The following ARL15 variants were observed in gnomAD, a reference collection of about 807,000 sequenced individuals.
ARL15 encodes ADP-ribosylation factor-like protein 15.
Under a neutral mutation model 25.2 loss-of-function variants are expected in ARL15, and 19 were observed. The ratio of observed to expected loss-of-function variants is 0.75; its 90% CI spans 0.53 to 1.10. The LOEUF is 1.10. ARL15 is among the 50% of genes least tolerant of loss of function. The probability of loss-of-function intolerance (pLI) is 0.00; values close to 1 mark genes in which losing one functional copy is unlikely to be tolerated. For missense variants in ARL15, 220 were observed against 246.0 expected, an observed-to-expected ratio of 0.89 and a Z score of 0.71; for synonymous variants, 94 against 86.8, an observed-to-expected ratio of 1.08 and a Z score of -0.46.
intron 1 of ARL15, among the ~76,000 whole-genome samples, chr5:54,245,984 A>T (rs1023591962): frequency 1.3e-5 from 2 of 152,174 alleles, no homozygotes; most frequent in Non-Finnish European, 2.9e-5. Flanking sequence ...TAGTTCAAAG[A>T]GTTATCAACA....
At position 54,005,861 on chromosome 5, in the gene ARL15, C is replaced by CA. The variant is rs139395100; in HGVS notation, c.462+107340dup. ...TGGGTGACAGAGCGAGACTCCATCT[C>CA]AAAAAAAAAAAACCAAAAAAACCCA... On this transcript the variant is annotated intron_variant, in intron 4 of 4. Coordinates refer to ENST00000504924, the MANE Select transcript of ARL15 (RefSeq NM_019087.3). Among the ~76,000 whole-genome samples the CA allele has an allele frequency of 8.2e-3, 899 of 109,210 alleles. 3 individuals are homozygous for CA. The highest frequency in any genetic ancestry group is 0.016 in the Admixed American group (171 of 10,684). 71.6% of individuals were successfully genotyped at this position (109,210 alleles called of 152,430 possible). A position where few individuals can be genotyped will look rare whatever the true frequency, so the allele number is the denominator to read the frequency against.
intron 1 of ARL15, among the ~76,000 whole-genome samples, chr5:54,183,712 A>C (rs1165382147): frequency 6.7e-6 from 1 of 149,590 alleles, no homozygotes; most frequent in Non-Finnish European, 1.5e-5. Flanking sequence ...GGGATCTAGA[A>C]CTAGAAATAC....
chr5:53,941,188 A>G (rs1436780436), intron 4 of ARL15, among the ~76,000 whole-genome samples: 1 of 152,046 alleles, frequency 6.6e-6, no homozygotes, highest in Admixed American at 6.5e-5. Context: ...CTTCTGTATA[A>G]GCTTTTTTAA....
At chr5:54,081,531 T>C (rs1751795350) in intron 4 of ARL15, among the ~76,000 whole-genome samples, 1 of 152,140 alleles carries the variant, frequency 6.6e-6, no homozygotes, top group South Asian at 2.1e-4. Context: ...AGAGACCAGG[T>C]GCAGTTAACT....
chr5:54,200,973 C>G (rs1294653791), intron 1 of ARL15, among the ~76,000 whole-genome samples: 1 of 151,890 alleles, frequency 6.6e-6, no homozygotes, highest in African/African-American at 2.4e-5. Context: ...TTTTGCAGCT[C>G]AGTTGGATGA....
At chr5:53,974,364 C>G (rs959684287) in intron 4 of ARL15, among the ~76,000 whole-genome samples, 7 of 152,104 alleles carry the variant, frequency 4.6e-5, no homozygotes, top group African/African-American at 1.7e-4. Context: ...ATTTGTTTTC[C>G]TCCTCAATAA....
chr5:53,954,858 G>A (rs750662319), intron 4 of ARL15, among the ~76,000 whole-genome samples: 5 of 151,806 alleles, frequency 3.3e-5, no homozygotes, highest in Non-Finnish European at 7.4e-5. Flanking sequence ...AAAGAGCATC[G>A]ATCTAATTTC....
At chr5:54,177,262 G>C (rs1385441647) in intron 1 of ARL15, among the ~76,000 whole-genome samples, 1 of 152,198 alleles carries the variant, frequency 6.6e-6, no homozygotes, top group Non-Finnish European at 1.5e-5. Flanking sequence ...GGTGTGCCTA[G>C]GTCTTGAGAG....
At chr5:54,137,233 A>T (rs1753631760) in intron 3 of ARL15, among the ~76,000 whole-genome samples, 1 of 152,152 alleles carries the variant, frequency 6.6e-6, no homozygotes, top group South Asian at 2.1e-4. Flanking sequence ...TATGGTCAGC[A>T]CATGGGCCAA....
intron 1 of ARL15, among the ~76,000 whole-genome samples, chr5:54,186,228 G>A (rs1338555372): frequency 6.6e-6 from 1 of 152,160 alleles, no homozygotes. Flanking sequence ...AAAGACAAAT[G>A]TTTACTATGG....
At position 54,215,832 on chromosome 5, in the gene ARL15, A is replaced by G. The variant is rs532565440; in HGVS notation, c.49-43904T>C. Among the ~76,000 whole-genome samples, 7 of 152,246 alleles carry G rather than the reference A, an allele frequency of 4.6e-5. 1 individual carries two copies. Among genetic ancestry groups the G allele is most frequent in the Admixed American group, 3.9e-4 (6 of 15,276 alleles). ...GGGGAGTGGATTCATGACAAGAAAT[A>G]AAAGAATGGATCCAAGGTGTAAATC... On this transcript the variant is annotated intron_variant, in intron 1 of 4. Coordinates refer to ENST00000504924, the MANE Select transcript of ARL15 (RefSeq NM_019087.3).
chr5:53,914,722 A>G (rs1422528573), intron 4 of ARL15, among the ~76,000 whole-genome samples: 1 of 152,212 alleles, frequency 6.6e-6, no homozygotes, highest in Non-Finnish European at 1.5e-5. Context: ...ATGGAACTGA[A>G]TGAGCTGCTA....
chr5:53,978,874 G>A (rs1748031820), intron 4 of ARL15, among the ~76,000 whole-genome samples: 1 of 152,106 alleles, frequency 6.6e-6, no homozygotes, highest in Non-Finnish European at 1.5e-5. Context: ...TGAGAAAAGT[G>A]TATTTATACA....
chr5:54,108,742 ACT>A (rs1490137581), intron 4 of ARL15, among the ~76,000 whole-genome samples: 1 of 151,992 alleles, frequency 6.6e-6, no homozygotes, highest in East Asian at 1.9e-4. Flanking sequence ...GTCTTTCAAA[ACT>A]CTGTCTGATC....
intron 1 of ARL15, among the ~76,000 whole-genome samples, chr5:54,223,475 A>T (rs1756435339): frequency 6.6e-6 from 1 of 152,184 alleles, no homozygotes; most frequent in Non-Finnish European, 1.5e-5. Flanking sequence ...GTTTCTTTAA[A>T]TAGGTCATTT....
At chr5:53,909,248 A>G (rs1367560590) in intron 4 of ARL15, among the ~76,000 whole-genome samples, 1 of 152,222 alleles carries the variant, frequency 6.6e-6, no homozygotes, top group East Asian at 1.9e-4. Context: ...GAGCACAGAA[A>G]AAGGTATGGA....
chr5:53,933,215 G>T (rs943451491), intron 4 of ARL15, among the ~76,000 whole-genome samples: 2 of 152,034 alleles, frequency 1.3e-5, no homozygotes, highest in Non-Finnish European at 2.9e-5. Context: ...AGGGGGTATA[G>T]GTAGAATTAC....
intron 4 of ARL15, among the ~76,000 whole-genome samples, chr5:54,061,631 A>G (rs1055685944): frequency 2.0e-5 from 3 of 152,126 alleles, no homozygotes; most frequent in Non-Finnish European, 2.9e-5. Context: ...AAAATAAAAG[A>G]ATTGACATTT....
intron 1 of ARL15, among the ~76,000 whole-genome samples, chr5:54,239,819 G>T (rs958873520): frequency 2.0e-5 from 3 of 152,116 alleles, no homozygotes; most frequent in Middle Eastern, 3.4e-3. Flanking sequence ...GTCCTGGAAG[G>T]TTAGGAATCC....
Sources: allele counts gnomAD v4.1 joint callset (sites outside exome capture counted in the v4.1 genomes callset), GRCh38; gene constraint gnomAD v4.1.1; transcripts MANE v1.5; gene names NCBI Gene and HGNC (gene_info 2026-07-23, HGNC 2026-07-21).